Variants in STIM1 observed in about 807,000 individuals in gnomAD.
STIM1 encodes stromal interaction molecule 1.
STIM1 carries 25 observed loss-of-function variants against 74.7 expected under a neutral mutation model. The ratio of observed to expected loss-of-function variants is 0.33; its 90% confidence interval spans 0.24 to 0.47. The LOEUF is 0.47. Ranked by LOEUF, STIM1 falls within the 20% of genes least tolerant of loss-of-function variation. The pLI, the probability that STIM1 is intolerant of heterozygous loss-of-function variation, is 1.00. For missense variants in STIM1, 728 were observed against 920.8 expected (o/e 0.79, Z 2.71); for synonymous variants, 328 against 348.8 (o/e 0.94, Z 0.66).
chr11:3,921,325 C>T (rs1349246163), intron 1 of STIM1, among the ~76,000 whole-genome samples: 1 of 152,040 alleles, frequency 6.6e-6, no homozygotes, highest in African/African-American at 2.4e-5. Context: ...CTGTTTCAGT[C>T]AGAAAAAAGG....
At chr11:4,042,005 G>A (rs1253535306) in intron 3 of STIM1, among the ~76,000 whole-genome samples, 1 of 152,218 alleles carries the variant, frequency 6.6e-6, no homozygotes, top group African/African-American at 2.4e-5. Flanking sequence ...CTTCCTGCCA[G>A]ACCTCATTCT....
intron 1 of STIM1, among the ~76,000 whole-genome samples, chr11:3,952,823 T>C (rs1387427703): frequency 1.3e-5 from 2 of 152,122 alleles, no homozygotes; most frequent in Non-Finnish European, 2.9e-5. Flanking sequence ...AGGAAGGTCA[T>C]AGAAACAAAA....
chr11:4,045,449 C>T (rs2094183329), intron 3 of STIM1, among the ~76,000 whole-genome samples: 1 of 151,142 alleles, frequency 6.6e-6, no homozygotes, highest in African/African-American at 2.4e-5. Flanking sequence ...TAACTTCCAT[C>T]AGCATTTTTT....
At chr11:3,986,019 T>C (rs545912932) in intron 2 of STIM1, among the ~76,000 whole-genome samples, 86 of 152,362 alleles carry the variant, frequency 5.6e-4, no homozygotes, top group African/African-American at 2.0e-3. Context: ...TTTGATGTGC[T>C]CCTTGCCTTC....
intron 3 of STIM1, among the ~76,000 whole-genome samples, chr11:4,046,147 C>T (rs1337745857): frequency 6.9e-6 from 1 of 144,526 alleles, no homozygotes; most frequent in African/African-American, 2.5e-5. Flanking sequence ...TCACTGCAAC[C>T]TCTGCCTCCT....
chr11:3,965,763 C>G (rs922884823), intron 1 of STIM1, among the ~76,000 whole-genome samples: 33 of 152,166 alleles, frequency 2.2e-4, no homozygotes, highest in African/African-American at 8.0e-4. Context: ...CCCAGCACTT[C>G]GGGAGGCCGA....
At chr11:4,038,872 C>T (rs932442201) in intron 3 of STIM1, among the ~76,000 whole-genome samples, 11 of 152,044 alleles carry the variant, frequency 7.2e-5, no homozygotes, top group African/African-American at 2.7e-4. Context: ...ATGAAACAAA[C>T]AAGTTAGGGC....
At chr11:4,082,488 T>C (rs1018041792) in intron 8 of STIM1, 137 bp downstream of exon 8, 11 of 965,402 alleles carry the variant, frequency 1.1e-5, no homozygotes, top group Non-Finnish European at 1.6e-5. Flanking sequence ...TCTGTTTCTT[T>C]CCTAATGTTC....
intron 1 of STIM1, among the ~76,000 whole-genome samples, chr11:3,881,243 TC>T (rs111603040): frequency 3.0e-4 from 45 of 152,160 alleles, no homozygotes; most frequent in African/African-American, 1.0e-3. Flanking sequence ...TGTTCCTAAT[TC>T]CCCCTCTCCC....
In STIM1 at chr11:4,092,720, T is replaced by C. The variant is rs923016603; in HGVS notation, c.*922T>C. ...GGCTCTTATGGAGCCCTGGAGTTGT[T>C]GGGCAAGGATGCTGTCATTTTTTGA... On this transcript the variant is annotated 3_prime_UTR_variant, in exon 13 of 13. Coordinates refer to ENST00000526596, the MANE Select transcript of STIM1 (RefSeq NM_001382567.1). The C allele has an allele frequency of 4.6e-5, 7 of 152,166 alleles. No individual in the cohort carries two copies. The highest frequency in any genetic ancestry group is 1.7e-4 in the African/African-American group (7 of 41,420). 9.4% of individuals were successfully genotyped at this position (152,166 alleles called of 1,614,324 possible).
At chr11:3,870,137 T>C (rs2091027767) in intron 1 of STIM1, among the ~76,000 whole-genome samples, 1 of 152,230 alleles carries the variant, frequency 6.6e-6, no homozygotes. Flanking sequence ...TTCACATTGC[T>C]ACATTTTACA....
In STIM1 at chr11:3,911,559, A is replaced by AT. The variant is rs904534741; in HGVS notation, c.139+55158dup. Among the ~76,000 whole-genome samples, 7 of 151,898 alleles carry AT rather than the reference A, an allele frequency of 4.6e-5. 1 individual carries two copies. The South Asian group carries it at 8.3e-4, about 18-fold the overall frequency. On this transcript the variant is annotated intron_variant, in intron 1 of 12. Transcript: ENST00000526596. ...ACCACCATGCCCGGCTAACTTTAAA[A>AT]TTTTTTTTGTAGAGACGGGGTCTCC...
In STIM1 at chr11:4,056,623, C is replaced by T. The variant is rs1169618270; in HGVS notation, c.497+986C>T. Among the ~76,000 whole-genome samples the T allele has an allele frequency of 2.6e-5, 4 of 152,350 alleles. No individual in the cohort carries two copies. The East Asian group carries it at 7.7e-4, about 29-fold the overall frequency. On this transcript the variant is annotated intron_variant, in intron 4 of 12. Coordinates refer to ENST00000526596, the MANE Select transcript of STIM1 (RefSeq NM_001382567.1). Reference sequence around the variant, plus strand: ...AAGCTGTTGGAATGCCCACACTTTGCAGTCTCCAGCCACAGAGCTACTGAG... The same window carrying T: ...AAGCTGTTGGAATGCCCACACTTTGTAGTCTCCAGCCACAGAGCTACTGAG...
At chr11:3,947,959 C>T (rs1242293374) in intron 1 of STIM1, among the ~76,000 whole-genome samples, 7 of 152,052 alleles carry the variant, frequency 4.6e-5, no homozygotes, top group Non-Finnish European at 7.4e-5. Context: ...TCCCTTTCTC[C>T]CTTAGACAGT....
chr11:3,983,208 A>T (rs1430174480), intron 2 of STIM1, among the ~76,000 whole-genome samples: 2 of 152,212 alleles, frequency 1.3e-5, no homozygotes, highest in African/African-American at 4.8e-5. Context: ...TGTTGGGATT[A>T]CAAGTGTAAG....
intron 3 of STIM1, among the ~76,000 whole-genome samples, chr11:4,045,051 C>T (rs1425793290): frequency 6.6e-6 from 1 of 152,128 alleles, no homozygotes; most frequent in Non-Finnish European, 1.5e-5. Context: ...CTGCCTGTCA[C>T]CACTGTGGTG....
At chr11:4,043,343 T>A (rs769680440) in intron 3 of STIM1, among the ~76,000 whole-genome samples, 10 of 152,218 alleles carry the variant, frequency 6.6e-5, no homozygotes, top group Non-Finnish European at 1.5e-4. Flanking sequence ...CTACCCAAGA[T>A]GCTAACTGGA....
At chr11:4,001,419 G>T (rs946419777) in intron 2 of STIM1, among the ~76,000 whole-genome samples, 12 of 152,158 alleles carry the variant, frequency 7.9e-5, no homozygotes, top group Non-Finnish European at 1.6e-4. Context: ...AGAAGAGAGT[G>T]GGGACCAATA....
chr11:3,959,872 T>C (rs2093266488), intron 1 of STIM1, among the ~76,000 whole-genome samples: 1 of 152,148 alleles, frequency 6.6e-6, no homozygotes, highest in African/African-American at 2.4e-5. Context: ...AAAACAGTGG[T>C]AGGTAAAACT....
Sources: allele counts gnomAD v4.1 joint callset (sites outside exome capture counted in the v4.1 genomes callset), GRCh38; gene constraint gnomAD v4.1.1; transcripts MANE v1.5; gene names NCBI Gene and HGNC (gene_info 2026-07-23, HGNC 2026-07-21).